The following TENM2 variants were observed in gnomAD, a reference collection of about 807,000 sequenced individuals.
The protein encoded by TENM2 is teneurin transmembrane protein 2, also known as teneurin-2.
TENM2 carries 52 observed loss-of-function variants against 245.2 expected under a neutral mutation model. That is an observed-to-expected ratio of 0.21 (90% CI 0.17 to 0.27). The LOEUF (loss-of-function observed/expected upper bound fraction) is 0.27, where lower values mean the gene tolerates loss of function less well. TENM2 is among the 10% of genes least tolerant of loss of function. The pLI is 1.00. For missense variants in TENM2, 3,046 were observed against 3,666.8 expected (o/e 0.83, Z 4.37); for synonymous variants, 1,363 against 1,438.9 (o/e 0.95, Z 1.19).
intron 2 of TENM2, among the ~76,000 whole-genome samples, chr5:167,435,581 A>G (rs919263326): frequency 3.3e-5 from 5 of 152,184 alleles, no homozygotes; most frequent in African/African-American, 9.6e-5. Flanking sequence ...AAATGAACTA[A>G]TACAGAAAAT....
At chr5:167,330,861 T>C (rs559354506) in intron 1 of TENM2, among the ~76,000 whole-genome samples, 80 of 152,286 alleles carry the variant, frequency 5.3e-4, no homozygotes, top group African/African-American at 1.9e-3. Flanking sequence ...TACGTTTCAT[T>C]CTTCCATGTT....
At chr5:168,138,763 C>T (rs1284311646) in intron 12 of TENM2, among the ~76,000 whole-genome samples, 1 of 152,224 alleles carries the variant, frequency 6.6e-6, no homozygotes, top group South Asian at 2.1e-4. Context: ...GGGGTCTACA[C>T]CCCCTCCATC....
intron 2 of TENM2, among the ~76,000 whole-genome samples, chr5:167,859,090 G>C (rs1316001974): frequency 3.7e-5 from 4 of 107,104 alleles, no homozygotes; most frequent in Non-Finnish European, 6.0e-5. Flanking sequence ...GCCGCCCATC[G>C]TCTGAGATGT....
At chr5:167,544,449 T>G (rs1424643388) in intron 2 of TENM2, among the ~76,000 whole-genome samples, 2 of 152,138 alleles carry the variant, frequency 1.3e-5, no homozygotes, top group African/African-American at 4.8e-5. Flanking sequence ...TTGGAAACAT[T>G]GAGAGCTACA....
chr5:167,581,226 T>C (rs1775072134), intron 2 of TENM2, among the ~76,000 whole-genome samples: 1 of 152,210 alleles, frequency 6.6e-6, no homozygotes, highest in Non-Finnish European at 1.5e-5. Context: ...TGTTTCTAAA[T>C]GTATAACATA....
At chr5:168,135,684 A>T (rs1754988072) in intron 12 of TENM2, among the ~76,000 whole-genome samples, 1 of 152,166 alleles carries the variant, frequency 6.6e-6, no homozygotes, top group South Asian at 2.1e-4. Context: ...AAATTACAAG[A>T]GAAAATGCAT....
At chr5:167,808,796 C>T (rs1387682167) in intron 2 of TENM2, among the ~76,000 whole-genome samples, 1 of 152,130 alleles carries the variant, frequency 6.6e-6, no homozygotes, top group East Asian at 1.9e-4. Flanking sequence ...TCATTAAATA[C>T]ATTTGTTCCC....
chr5:167,853,309 A>AAAAAAAAAAAAAAAT, intron 2 of TENM2, among the ~76,000 whole-genome samples: 1 of 138,584 alleles, frequency 7.2e-6, no homozygotes, highest in African/African-American at 2.8e-5. Context: ...AAAAAAAAAA[A>AAAAAAAAAAAAAAAT]AAAGAAAGTG....
At chr5:167,074,727 C>T in the TENM2 span, among the ~76,000 whole-genome samples, 1 of 152,206 alleles carries the variant, frequency 6.6e-6, no homozygotes, top group African/African-American at 2.4e-5. Context: ...CATACGTTTT[C>T]ATGGGTGCGC....
intron 3 of TENM2, among the ~76,000 whole-genome samples, chr5:167,896,448 A>G (rs1370301854): frequency 6.6e-6 from 1 of 152,240 alleles, no homozygotes; most frequent in African/African-American, 2.4e-5. Flanking sequence ...AATGTTTAAG[A>G]GAACTCATGG....
intron 2 of TENM2, among the ~76,000 whole-genome samples, chr5:167,674,570 G>T (rs953281209): frequency 3.3e-5 from 5 of 151,930 alleles, no homozygotes; most frequent in Non-Finnish European, 7.4e-5. Flanking sequence ...TTAAAAATTC[G>T]AGACCAAGTT....
Position 168,247,777 on chromosome 5 carries a change from T to C in TENM2, c.6838T>C (p.Tyr2280His). ...CCAGAGAGGGTCTGACATCTTCGAA[T>C]ACAATTCCAAGGGCCTCCTAACAAG... Residue 2280 changes from tyrosine (Y) to histidine (H), a missense_variant, in exon 27 of 29, where the codon TAC becomes CAC. Tyr to His is a moderately conservative substitution (Grantham distance 83, BLOSUM62 2). Transcript: ENST00000518659. This position sits in a 1 kb window ranked among gnomAD's most constrained non-coding sequence, Gnocchi z 7.8. 2 of 1,613,900 alleles carry C rather than the reference T, an allele frequency of 1.2e-6. No individual in the cohort carries two copies. The highest frequency in any genetic ancestry group is 2.2e-5 in the East Asian group (1 of 44,860).
intron 2 of TENM2, among the ~76,000 whole-genome samples, chr5:167,402,361 A>G (rs1447526674): frequency 6.6e-6 from 1 of 152,118 alleles, no homozygotes; most frequent in African/African-American, 2.4e-5. Context: ...AATCCCTTAA[A>G]CTGGCTCTAA....
At position 167,449,183 on chromosome 5, in the gene TENM2, C is replaced by A. The variant is rs193235319; in HGVS notation, c.502+73710C>A. ...TGATATTTCCTTGCTGCTTTTCCTG[C>A]GGTACTTAGCACTAGTCCTTGGGAT... On this transcript the variant is annotated intron_variant, in intron 2 of 28. Transcript: ENST00000518659. Among the ~76,000 whole-genome samples the A allele has an allele frequency of 4.6e-5, 7 of 152,108 alleles. No individual in the cohort carries two copies. In the South Asian group the frequency reaches 1.2e-3, roughly 27 times the overall value.
intron 12 of TENM2, among the ~76,000 whole-genome samples, chr5:168,148,913 A>AGATT (rs1756376598): frequency 8.6e-6 from 1 of 115,840 alleles, no homozygotes; most frequent in African/African-American, 3.3e-5. Flanking sequence ...ATAGATAGAT[A>AGATT]GATAGATTGA....
intron 5 of TENM2, among the ~76,000 whole-genome samples, chr5:168,036,258 C>T (rs1787655088): frequency 6.6e-6 from 1 of 152,204 alleles, no homozygotes; most frequent in Non-Finnish European, 1.5e-5. Flanking sequence ...CAACAGTCTG[C>T]AGTGCTGTTG....
At chr5:167,171,693 G>A in the TENM2 span, among the ~76,000 whole-genome samples, 2 of 152,280 alleles carry the variant, frequency 1.3e-5, no homozygotes, top group Middle Eastern at 6.8e-3. Flanking sequence ...CCACTTCCAA[G>A]AAGGACCGTG....
chr5:167,907,342 TA>T (rs1425394640), intron 3 of TENM2, among the ~76,000 whole-genome samples: 1 of 151,370 alleles, frequency 6.6e-6, no homozygotes, highest in Non-Finnish European at 1.5e-5. Context: ...ATGTCAACTT[TA>T]AAAACTCACA....
At chr5:167,989,489 T>A (rs533799245) in intron 4 of TENM2, among the ~76,000 whole-genome samples, 6 of 152,060 alleles carry the variant, frequency 3.9e-5, no homozygotes, top group African/African-American at 1.4e-4. Context: ...GAAGCGTGAG[T>A]GCATAGGAGC....
Sources: allele counts gnomAD v4.1 joint callset (sites outside exome capture counted in the v4.1 genomes callset), GRCh38; gene constraint gnomAD v4.1.1; non-coding constraint Gnocchi (gnomAD v3.1); transcripts MANE v1.5; gene names NCBI Gene and HGNC (gene_info 2026-07-23, HGNC 2026-07-21).